The following HEMK2 variants were observed in gnomAD, a reference collection of about 807,000 sequenced individuals.
HEMK2 encodes methyltransferase HEMK2.
At chr21:28,736,261 T>C in the HEMK2 span, among the ~76,000 whole-genome samples, 1 of 152,156 alleles carries the variant, frequency 6.6e-6, no homozygotes, top group Non-Finnish European at 1.5e-5. Context: ...AAGCAAGAAA[T>C]GTCAGGCCCA....
chr21:28,758,905 G>C, the HEMK2 span, among the ~76,000 whole-genome samples: 5 of 152,176 alleles, frequency 3.3e-5, no homozygotes, highest in Non-Finnish European at 7.3e-5. Flanking sequence ...ATGTATGCCT[G>C]CTGCGGCCCC....
chr21:28,786,962 A>G, the HEMK2 span, among the ~76,000 whole-genome samples: 1 of 152,208 alleles, frequency 6.6e-6, no homozygotes, highest in Admixed American at 6.5e-5. Flanking sequence ...AAGAGCCCAC[A>G]GAGCCAAAGC....
chr21:28,856,079 ATATATTATT>A, the HEMK2 span, among the ~76,000 whole-genome samples: 1 of 149,326 alleles, frequency 6.7e-6, no homozygotes, highest in Non-Finnish European at 1.5e-5. Context: ...TGTTAGAGTG[ATATATTATT>A]TTATTTGTTG....
the HEMK2 span, among the ~76,000 whole-genome samples, chr21:28,797,374 T>C: frequency 2.6e-5 from 4 of 151,932 alleles, no homozygotes; most frequent in Admixed American, 2.0e-4. Flanking sequence ...GGTGGACGGA[T>C]TGCTTGAGCC....
chr21:28,734,315 G>T, the HEMK2 span, among the ~76,000 whole-genome samples: 1 of 152,160 alleles, frequency 6.6e-6, no homozygotes, highest in Admixed American at 6.5e-5. Flanking sequence ...GACAGCATGA[G>T]TACACCACTG....
At chr21:28,625,011 C>T in the HEMK2 span, among the ~76,000 whole-genome samples, 1 of 152,210 alleles carries the variant, frequency 6.6e-6, no homozygotes, top group Non-Finnish European at 1.5e-5. Context: ...TGCATTTATG[C>T]TACTTTGGTT....
chr21:28,811,756 A>G, the HEMK2 span, among the ~76,000 whole-genome samples: 1 of 152,198 alleles, frequency 6.6e-6, no homozygotes, highest in Non-Finnish European at 1.5e-5. Flanking sequence ...TATCTTTGCT[A>G]CATAATATGA....
At chr21:28,764,270 T>C in the HEMK2 span, among the ~76,000 whole-genome samples, 1 of 152,056 alleles carries the variant, frequency 6.6e-6, no homozygotes, top group Non-Finnish European at 1.5e-5. Context: ...CAGGACAAAC[T>C]GTATCTGCAA....
the HEMK2 span, among the ~76,000 whole-genome samples, chr21:28,634,722 A>C: frequency 6.6e-6 from 1 of 152,190 alleles, no homozygotes; most frequent in Non-Finnish European, 1.5e-5. Context: ...CTCTGAGCTT[A>C]AATTTGCTCA....
At chr21:28,739,137 A>T in the HEMK2 span, among the ~76,000 whole-genome samples, 1 of 152,268 alleles carries the variant, frequency 6.6e-6, no homozygotes, top group Non-Finnish European at 1.5e-5. Context: ...TCGCGAGAGC[A>T]GCAAAAGTAC....
chr21:28,801,988 T>C, the HEMK2 span, among the ~76,000 whole-genome samples: 4 of 152,196 alleles, frequency 2.6e-5, no homozygotes, highest in Admixed American at 2.6e-4. Flanking sequence ...AAATTACATA[T>C]ATATATATAA....
the HEMK2 span, among the ~76,000 whole-genome samples, chr21:28,588,212 G>GA: frequency 2.0e-5 from 3 of 151,752 alleles, no homozygotes; most frequent in Non-Finnish European, 4.4e-5. Context: ...TAGGCAAAGT[G>GA]AAAAAAAAGT....
chr21:28,867,882 A>C, the HEMK2 span, among the ~76,000 whole-genome samples: 1 of 152,210 alleles, frequency 6.6e-6, no homozygotes, highest in Non-Finnish European at 1.5e-5. Context: ...TTCCATTGTC[A>C]TAAAAATATT....
the HEMK2 span, among the ~76,000 whole-genome samples, chr21:28,761,299 A>G: frequency 6.6e-6 from 1 of 152,092 alleles, no homozygotes; most frequent in South Asian, 2.1e-4. Flanking sequence ...TTATTTCATT[A>G]TTTTACACTA....
At chr21:28,859,295 C>CT in the HEMK2 span, among the ~76,000 whole-genome samples, 1,128 of 152,112 alleles carry the variant, frequency 7.4e-3, 12 homozygotes, top group African/African-American at 0.025. Flanking sequence ...TCCATCTGCT[C>CT]TTTTTTTTCC....
chr21:28,885,363 C>T, the HEMK2 span: 4 of 1,533,978 alleles, frequency 2.6e-6, no homozygotes, highest in Non-Finnish European at 2.7e-6. Flanking sequence ...CGCTGCGTTC[C>T]ATGCGCGTGC....
the HEMK2 span, among the ~76,000 whole-genome samples, chr21:28,698,804 A>ACTGATTAGATATTTTCC: frequency 6.6e-6 from 1 of 152,312 alleles, no homozygotes; most frequent in East Asian, 1.9e-4. Flanking sequence ...AGACATTTTC[A>ACTGATTAGATATTTTCC]CTGATTAGAT....
At chr21:28,713,829 T>G in the HEMK2 span, among the ~76,000 whole-genome samples, 1 of 152,244 alleles carries the variant, frequency 6.6e-6, no homozygotes, top group Non-Finnish European at 1.5e-5. Flanking sequence ...AAGAAATTAT[T>G]TCAATTATAT....
At chr21:28,821,259 C>T in the HEMK2 span, among the ~76,000 whole-genome samples, 2 of 152,284 alleles carry the variant, frequency 1.3e-5, 1 homozygote. Flanking sequence ...ACTAATTACA[C>T]TGCACCACAG....
Sources: allele counts gnomAD v4.1 joint callset (sites outside exome capture counted in the v4.1 genomes callset), GRCh38; gene constraint gnomAD v4.1.1; transcripts MANE v1.5; gene names NCBI Gene and HGNC (gene_info 2026-07-23, HGNC 2026-07-21).